Variants in XKR6 observed in about 807,000 individuals in gnomAD.
XKR6 encodes the protein XK related 6, also known as XK-related protein 6.
XKR6 carries 22 observed loss-of-function variants against 56.7 expected under a neutral mutation model. The observed-to-expected ratio is 0.39, with a 90% CI of 0.28 to 0.55. XKR6 has a LOEUF of 0.55. Ranked by LOEUF, XKR6 falls within the 20% of genes least tolerant of loss-of-function variation. The probability of loss-of-function intolerance (pLI) is 0.66; values close to 1 mark genes in which losing one functional copy is unlikely to be tolerated. For missense variants in XKR6, 852 were observed against 889.0 expected (o/e 0.96, Z 0.53); for synonymous variants, 524 against 387.8 (o/e 1.35, Z -4.13).
intron 1 of XKR6, among the ~76,000 whole-genome samples, chr8:10,984,942 G>GT (rs1797826636): frequency 1.3e-5 from 2 of 151,400 alleles, no homozygotes; most frequent in Admixed American, 1.3e-4. Context: ...TTTTGTTGTG[G>GT]TTTTTTGTTT....
chr8:11,133,163 G>A (rs904372419), intron 1 of XKR6, among the ~76,000 whole-genome samples: 3 of 151,918 alleles, frequency 2.0e-5, no homozygotes, highest in Non-Finnish European at 2.9e-5. Flanking sequence ...AAACCTAAAC[G>A]CACATTTATA....
intron 1 of XKR6, among the ~76,000 whole-genome samples, chr8:10,957,100 G>GCCAC (rs745628201): frequency 1.3e-5 from 2 of 152,164 alleles, no homozygotes; most frequent in Non-Finnish European, 2.9e-5. Flanking sequence ...ACAGGCACGT[G>GCCAC]CCACCATGCC....
chr8:11,098,683 T>C (rs1355449399), intron 1 of XKR6, among the ~76,000 whole-genome samples: 1 of 152,228 alleles, frequency 6.6e-6, no homozygotes, highest in Non-Finnish European at 1.5e-5. Context: ...TGTGGAAAGT[T>C]TATTTTTGAA....
At chr8:10,911,882 T>C (rs988588647) in intron 2 of XKR6, among the ~76,000 whole-genome samples, 1 of 150,252 alleles carries the variant, frequency 6.7e-6, no homozygotes, top group African/African-American at 2.4e-5. Context: ...ATAGAAGGTG[T>C]GTATATATAT....
intron 1 of XKR6, among the ~76,000 whole-genome samples, chr8:11,184,767 T>G (rs368496499): frequency 1.1e-4 from 16 of 152,184 alleles, no homozygotes; most frequent in East Asian, 7.7e-4. Context: ...CCTGGGCTCA[T>G]GCAATCAACC....
intron 1 of XKR6, among the ~76,000 whole-genome samples, chr8:10,951,287 G>T (rs573891514): frequency 7.5e-6 from 1 of 132,594 alleles, no homozygotes; most frequent in East Asian, 2.1e-4. Context: ...ATAGAAAAGT[G>T]TGTGTGTGTG....
chr8:11,005,941 G>A (rs567028573), intron 1 of XKR6, among the ~76,000 whole-genome samples: 1 of 149,352 alleles, frequency 6.7e-6, no homozygotes, highest in Admixed American at 6.7e-5. Flanking sequence ...CCTTCTGGGT[G>A]CAAACTATTC....
At chr8:10,950,611 T>A (rs1301768297) in intron 1 of XKR6, among the ~76,000 whole-genome samples, 2 of 152,194 alleles carry the variant, frequency 1.3e-5, no homozygotes, top group African/African-American at 2.4e-5. Context: ...AGTTTTAGAC[T>A]GAAAACCCCT....
chr8:11,059,846 T>C (rs1366178662), intron 1 of XKR6, among the ~76,000 whole-genome samples: 1 of 151,946 alleles, frequency 6.6e-6, no homozygotes, highest in African/African-American at 2.4e-5. Flanking sequence ...GTGTTCAGGA[T>C]GAAGGGAGGT....
rs199877084 is a variant in XKR6 at position 11,094,365 on chromosome 8, T to C, written c.764+106211A>G. On this transcript the variant is annotated intron_variant, in intron 1 of 2. Coordinates refer to ENST00000416569, the MANE Select transcript of XKR6 (RefSeq NM_173683.4). Reference sequence around the variant, plus strand: ...CACCATGCCCAGCTAATGTTTTGTATTTTTGGTAGATAAGGGATTTCACTA... The same window carrying C: ...CACCATGCCCAGCTAATGTTTTGTACTTTTGGTAGATAAGGGATTTCACTA... Among the ~76,000 whole-genome samples the C allele has an allele frequency of 3.3e-5, 5 of 152,174 alleles. No homozygotes were observed. The East Asian group carries it at 7.8e-4, about 24-fold the overall frequency.
At chr8:11,114,379 G>C (rs188865404) in intron 1 of XKR6, among the ~76,000 whole-genome samples, 2 of 152,100 alleles carry the variant, frequency 1.3e-5, no homozygotes, top group East Asian at 3.9e-4. Context: ...TTATTTATTT[G>C]AGACAGAGTC....
At chr8:10,941,008 C>A (rs933605291) in intron 1 of XKR6, among the ~76,000 whole-genome samples, 2 of 152,208 alleles carry the variant, frequency 1.3e-5, no homozygotes, top group Non-Finnish European at 2.9e-5. Flanking sequence ...ACTCGGCCAC[C>A]GGGCCAGGCT....
At chr8:11,193,551 T>C (rs1803700305) in intron 1 of XKR6, among the ~76,000 whole-genome samples, 1 of 152,174 alleles carries the variant, frequency 6.6e-6, no homozygotes, top group Non-Finnish European at 1.5e-5. Context: ...ATTCGACTAG[T>C]GTCAAAAGAG....
rs1586599979 is a variant in XKR6 at position 11,137,874 on chromosome 8, T to C, written c.764+62702A>G. On this transcript the variant is annotated intron_variant, in intron 1 of 2. Transcript: ENST00000416569. ...GAAATAATGGAAAAAGACTGATATATTAAATAAACTAAAGAATAAGACTTA... is the reference window on the plus strand; with the variant it reads ...GAAATAATGGAAAAAGACTGATATACTAAATAAACTAAAGAATAAGACTTA... 1.1e-5 allele frequency: 4 copies of C among 361,292 alleles called. No homozygotes were observed. In the East Asian group the frequency reaches 2.9e-4, roughly 27 times the overall value. 22.4% of individuals were successfully genotyped at this position (361,292 alleles called of 1,614,324 possible). A position where few individuals can be genotyped will look rare whatever the true frequency, so the allele number is the denominator to read the frequency against.
At chr8:11,186,392 G>C (rs1366996696) in intron 1 of XKR6, among the ~76,000 whole-genome samples, 1 of 152,140 alleles carries the variant, frequency 6.6e-6, no homozygotes, top group African/African-American at 2.4e-5. Context: ...CCAGGGCTTT[G>C]AGAGACAGAG....
chr8:11,137,958 T>C (rs542352857), intron 1 of XKR6: 1 of 343,742 alleles, frequency 2.9e-6, no homozygotes, highest in South Asian at 2.3e-5. Context: ...CCCACCAGGC[T>C]CATTCTCTCT....
intron 1 of XKR6, among the ~76,000 whole-genome samples, chr8:11,038,366 C>T (rs1192289722): frequency 1.3e-5 from 2 of 152,014 alleles, no homozygotes; most frequent in South Asian, 2.1e-4. Flanking sequence ...GTGAGTCACT[C>T]GAGGTCACAC....
chr8:10,916,366 G>C (rs907821733), intron 2 of XKR6, among the ~76,000 whole-genome samples: 7 of 152,180 alleles, frequency 4.6e-5, no homozygotes, highest in African/African-American at 1.7e-4. Context: ...TTTTAACCAA[G>C]ATCCCAAAGT....
chr8:10,966,606 G>A (rs1310068126), intron 1 of XKR6, among the ~76,000 whole-genome samples: 3 of 152,060 alleles, frequency 2.0e-5, no homozygotes, highest in African/African-American at 7.2e-5. Flanking sequence ...CCCAGGAGGC[G>A]GAGCTTGCAG....
Sources: gnomAD v4.1 joint callset for allele counts (sites outside exome capture counted in the v4.1 genomes callset) on GRCh38, gnomAD v4.1.1 for gene constraint, MANE v1.5 for transcripts, NCBI Gene and HGNC (gene_info 2026-07-23, HGNC 2026-07-21) for gene names.